DPYD: variants seen among roughly 807,000 people sequenced by gnomAD.
DPYD encodes the protein dihydropyrimidine dehydrogenase, also known as dihydropyrimidine dehydrogenase [NADP(+)].
DPYD carries 109 observed loss-of-function variants against 116.2 expected under a neutral mutation model. That is an observed-to-expected ratio of 0.94 (90% CI 0.80 to 1.10). DPYD has a LOEUF of 1.10. DPYD is among the 50% of genes least tolerant of loss of function. The pLI is 0.00. For missense variants in DPYD, 1,302 were observed against 1,254.5 expected, an observed-to-expected ratio of 1.04 and a Z score of -0.57; for synonymous variants, 440 against 432.0, an observed-to-expected ratio of 1.02 and a Z score of -0.23.
At chr1:97,098,425 T>TA in intron 21 of DPYD, 64 bp downstream of exon 21, 1 of 1,562,124 alleles carries the variant, frequency 6.4e-7, no homozygotes, top group Non-Finnish European at 8.8e-7. Flanking sequence ...AATAAACATT[T>TA]TAACTATATT....
At chr1:97,299,233 T>C (rs1666721283) in intron 18 of DPYD, among the ~76,000 whole-genome samples, 1 of 152,168 alleles carries the variant, frequency 6.6e-6, no homozygotes, top group Admixed American at 6.6e-5. Flanking sequence ...TTTACTTTCA[T>C]AATAGAACAT....
At chr1:97,415,136 T>A (rs1441834469) in intron 14 of DPYD, among the ~76,000 whole-genome samples, 1 of 150,464 alleles carries the variant, frequency 6.6e-6, no homozygotes, top group Non-Finnish European at 1.5e-5. Context: ...CAAACAAAAC[T>A]CTACAAAACC....
chr1:97,091,082 G>T (rs1649867903), intron 21 of DPYD, among the ~76,000 whole-genome samples: 1 of 152,154 alleles, frequency 6.6e-6, no homozygotes, highest in African/African-American at 2.4e-5. Context: ...GGGAAGATGG[G>T]GTAGATCAGA....
At chr1:97,449,096 T>C (rs1676252508) in intron 14 of DPYD, among the ~76,000 whole-genome samples, 1 of 152,034 alleles carries the variant, frequency 6.6e-6, no homozygotes, top group Non-Finnish European at 1.5e-5. Context: ...GTGATTTCTA[T>C]ATTCCTTTGT....
intron 19 of DPYD, among the ~76,000 whole-genome samples, chr1:97,204,467 A>G (rs1168419787): frequency 2.0e-5 from 3 of 152,170 alleles, no homozygotes; most frequent in African/African-American, 7.2e-5. Context: ...AAAAGGGCAC[A>G]TATTTTATGA....
intron 3 of DPYD, among the ~76,000 whole-genome samples, chr1:97,810,403 C>G (rs1668299021): frequency 6.6e-6 from 1 of 151,726 alleles, no homozygotes; most frequent in Admixed American, 6.6e-5. Flanking sequence ...AATTATATAG[C>G]ATATCATCCT....
chr1:97,195,460 T>C (rs1658686074), intron 19 of DPYD, among the ~76,000 whole-genome samples: 1 of 144,388 alleles, frequency 6.9e-6, no homozygotes, highest in African/African-American at 2.6e-5. Context: ...TGTTGCTAGG[T>C]TGGTTGAGAG....
chr1:97,158,652 A>C (rs1655668971), intron 20 of DPYD, among the ~76,000 whole-genome samples: 1 of 151,958 alleles, frequency 6.6e-6, no homozygotes, highest in African/African-American at 2.4e-5. Context: ...CCAAGCAGGG[A>C]GGTTAAAATT....
intron 8 of DPYD, among the ~76,000 whole-genome samples, chr1:97,607,130 A>G (rs1655648224): frequency 6.6e-6 from 1 of 151,978 alleles, no homozygotes; most frequent in African/African-American, 2.4e-5. Context: ...AGTAACTTAA[A>G]TGAGAAAAAA....
intron 12 of DPYD, among the ~76,000 whole-genome samples, chr1:97,533,243 T>C (rs1649769302): frequency 6.6e-6 from 1 of 152,068 alleles, no homozygotes; most frequent in African/African-American, 2.4e-5. Context: ...AGTAATATGT[T>C]GGTTTCTTTC....
rs534506781 is a variant in DPYD, at chr1:97,103,178, T to A, written c.2623-4546A>T. On this transcript the variant is annotated intron_variant, in intron 20 of 22. Transcript: ENST00000370192. ...TTCAAGGTAGCACAGGAGATAGAGATGAGAAGTATCTTTTCTGTTCTGTAG... is the reference window on the plus strand; with the variant it reads ...TTCAAGGTAGCACAGGAGATAGAGAAGAGAAGTATCTTTTCTGTTCTGTAG... 4.5e-3 allele frequency among the ~76,000 whole-genome samples: 688 copies of A among 152,212 alleles called. 8 individuals carry two copies. Among genetic ancestry groups the A allele is most frequent in the African/African-American group, 0.016 (658 of 41,566 alleles).
At chr1:97,175,978 T>C (rs1657225866) in intron 20 of DPYD, among the ~76,000 whole-genome samples, 2 of 152,314 alleles carry the variant, frequency 1.3e-5, no homozygotes, top group African/African-American at 2.4e-5. Flanking sequence ...CATTTTCCCC[T>C]GTACTTGACT....
chr1:97,548,000 A>C (rs1335960211), intron 12 of DPYD, among the ~76,000 whole-genome samples: 2 of 152,190 alleles, frequency 1.3e-5, no homozygotes. Flanking sequence ...TTAGTTACAC[A>C]AACATGAGAA....
intron 20 of DPYD, among the ~76,000 whole-genome samples, chr1:97,170,144 G>A (rs111612054): frequency 0.039 from 5,966 of 152,182 alleles, 148 homozygotes; most frequent in South Asian, 0.074. Context: ...ACTTTCAGAT[G>A]GCCCTCATAA....
intron 11 of DPYD, among the ~76,000 whole-genome samples, chr1:97,558,570 T>C (rs1319785416): frequency 6.6e-6 from 1 of 152,184 alleles, no homozygotes. Context: ...TATGGTTAGA[T>C]AATTTTCAGT....
chr1:97,528,355 A>G (rs1649308949), intron 12 of DPYD, among the ~76,000 whole-genome samples: 1 of 152,130 alleles, frequency 6.6e-6, no homozygotes, highest in Non-Finnish European at 1.5e-5. Flanking sequence ...CATTTTACGC[A>G]TTTCTTTAAA....
intron 11 of DPYD, among the ~76,000 whole-genome samples, chr1:97,565,316 A>G (rs2102148918): frequency 6.6e-6 from 1 of 152,246 alleles, no homozygotes; most frequent in South Asian, 2.1e-4. Context: ...GAGAGAAGGA[A>G]GCTCTAACAC....
Position 97,328,406 on chromosome 1 carries a change from A to G in DPYD, c.2059-22109T>C, listed in dbSNP as rs1314255809. Among the ~76,000 whole-genome samples, 3 of 152,160 alleles carry G rather than the reference A, an allele frequency of 2.0e-5. No homozygotes were observed. The East Asian group carries it at 5.8e-4, about 29-fold the overall frequency. ...CAGTCACTATATAGTATGTTAGGAA[A>G]GTCATATTAGTCTACTTATGTTTAA... is the stretch of plus-strand genomic sequence containing the variant. On this transcript the variant is annotated intron_variant, in intron 16 of 22. Coordinates refer to ENST00000370192, the MANE Select transcript of DPYD (RefSeq NM_000110.4).
chr1:97,551,903 T>C (rs946938492), intron 11 of DPYD, among the ~76,000 whole-genome samples: 23 of 152,152 alleles, frequency 1.5e-4, no homozygotes, highest in African/African-American at 5.1e-4. Context: ...ATATCAAGTA[T>C]ATATACAGCA....
Sources: allele counts gnomAD v4.1 joint callset (sites outside exome capture counted in the v4.1 genomes callset), GRCh38; gene constraint gnomAD v4.1.1; transcripts MANE v1.5; gene names NCBI Gene and HGNC (gene_info 2026-07-23, HGNC 2026-07-21).